Variants in TMEM131L observed in about 807,000 individuals in gnomAD.
The protein encoded by TMEM131L is transmembrane protein 131-like.
Under a neutral mutation model 192.2 loss-of-function variants are expected in TMEM131L, and 54 were observed. The observed-to-expected ratio is 0.28, with a 90% CI of 0.23 to 0.35. The LOEUF is 0.35. TMEM131L is among the 10% of genes least tolerant of loss of function. The pLI is 1.00. For synonymous variants in TMEM131L, 701 were observed against 704.9 expected, an observed-to-expected ratio of 0.99 and a Z score of 0.09; for missense variants, 1,888 against 1,972.9, an observed-to-expected ratio of 0.96 and a Z score of 0.82.
chr4:153,499,010 C>T (rs992989276), intron 3 of TMEM131L, among the ~76,000 whole-genome samples: 4 of 152,194 alleles, frequency 2.6e-5, no homozygotes, highest in African/African-American at 7.2e-5. Context: ...TTAGTATTAA[C>T]GTTTGTTTTT....
intron 3 of TMEM131L, among the ~76,000 whole-genome samples, chr4:153,522,164 A>G (rs1215108657): frequency 6.6e-6 from 1 of 152,154 alleles, no homozygotes; most frequent in East Asian, 1.9e-4. Context: ...GCTGTGGTGA[A>G]GGAGCCGGAG....
At chr4:153,604,647 G>C (rs1003353041) in intron 25 of TMEM131L, among the ~76,000 whole-genome samples, 3 of 152,182 alleles carry the variant, frequency 2.0e-5, no homozygotes, top group African/African-American at 7.2e-5. Flanking sequence ...CATAAGTTTA[G>C]AAGACTATGA....
intron 16 of TMEM131L, among the ~76,000 whole-genome samples, chr4:153,589,420 G>T (rs773737512): frequency 6.6e-5 from 10 of 152,114 alleles, no homozygotes; most frequent in Non-Finnish European, 1.2e-4. Flanking sequence ...GACTGAGATG[G>T]CTACTAAGTG....
In TMEM131L at chr4:153,577,379, G is replaced by A. The variant is rs11099887; in HGVS notation, c.661-3447G>A. Among the ~76,000 whole-genome samples, 605 of 152,274 alleles carry A rather than the reference G, an allele frequency of 4.0e-3. 2 individuals are homozygous for A. The highest frequency in any genetic ancestry group is 0.014 in the African/African-American group (570 of 41,544). ...GCAGTGTGGAGAATGGAGTGGAAAG[G>A]GCAGAGGTGGATGCAGGGAGACTAA... is the stretch of plus-strand genomic sequence containing the variant. On this transcript the variant is annotated intron_variant, in intron 7 of 34. Transcript: ENST00000409959.
rs1047490613 is a variant in TMEM131L, at chr4:153,572,940, A to G, written c.661-7886A>G. 9.9e-5 allele frequency among the ~76,000 whole-genome samples: 15 copies of G among 152,228 alleles called. 1 individual carries two copies. The highest frequency in any genetic ancestry group is 2.1e-4 in the Non-Finnish European group (14 of 68,040). ...AATTGGACTATTCTAGGTCCCTCAT[A>G]GAAGTGGGATTATACAGTATTTGTC... is the stretch of plus-strand genomic sequence containing the variant. On this transcript the variant is annotated intron_variant, in intron 7 of 34. Transcript: ENST00000409959.
rs753972613 is a variant in TMEM131L at position 153,596,297 on chromosome 4, T to C, written c.2035T>C (p.Leu679=). 1.9e-6 allele frequency: 3 copies of C among 1,613,880 alleles called. No homozygotes were observed. In the African/African-American group the frequency reaches 4.0e-5, roughly 22 times the overall value. The change falls in exon 20 of 35, where the codon TTA becomes CTA. Residue 679 remains leucine (L), a synonymous_variant. Transcript: ENST00000409959. The part of the protein sequence containing the change: ...SEESRFGILH[L]HLQPLEMKRV... ...GGAATCCAGGTTTGGCATCCTCCAC[T>C]TACATCTGCAGCCTTTGGAAATGAA...
chr4:153,625,345 C>T lies in TMEM131L; in HGVS notation c.4046-802C>T, dbSNP rs1384178385. 2.6e-5 allele frequency among the ~76,000 whole-genome samples: 4 copies of T among 151,716 alleles called. No homozygotes were observed. In the East Asian group the frequency reaches 5.9e-4, roughly 22 times the overall value. On this transcript the variant is annotated intron_variant, in intron 29 of 34. Transcript: ENST00000409959. ...GGCGGAGGTTGCAGTGAGCCGAGAT[C>T]GCCACTGCACTCCAGCCTGGGTGAC...
chr4:153,522,348 CAGATAATAGG>C (rs1735179359), intron 3 of TMEM131L, among the ~76,000 whole-genome samples: 1 of 152,064 alleles, frequency 6.6e-6, no homozygotes, highest in Admixed American at 6.5e-5. Flanking sequence ...CCATTGTGTG[CAGATAATAGG>C]AGACTTAAAT....
At chr4:153,519,365 A>G (rs1271090131) in intron 3 of TMEM131L, among the ~76,000 whole-genome samples, 1 of 152,226 alleles carries the variant, frequency 6.6e-6, no homozygotes, top group Non-Finnish European at 1.5e-5. Flanking sequence ...TGAAGACTTT[A>G]TACCCAAATC....
rs373560748 is a variant in TMEM131L, at chr4:153,581,524, A to C, written c.856A>C (p.Ile286Leu). Residue 286 changes from isoleucine to leucine, a missense_variant, in exon 9 of 35, where the codon ATT becomes CTT. By Grantham distance (5) the Ile-to-Leu change is conservative (BLOSUM62 2). Transcript: ENST00000409959. ...ACAACATTTGTTAGATCATCTCTCT[A>C]TTGTTTACGTAGCTACAGATGAATC... ...NTQHLLDHLS[I>L]VYVATDESET... 1 of 1,593,950 alleles carries C rather than the reference A, an allele frequency of 6.3e-7. No individual in the cohort carries two copies. The highest frequency in any genetic ancestry group is 2.3e-5 in the East Asian group (1 of 44,252).
At chr4:153,466,949 A>G (rs887051290) in intron 1 of TMEM131L, among the ~76,000 whole-genome samples, 10 of 151,102 alleles carry the variant, frequency 6.6e-5, no homozygotes, top group African/African-American at 2.4e-4. Context: ...GGGTGTCTTC[A>G]CTCCCACTTC....
chr4:153,497,599 A>G (rs182302514), intron 3 of TMEM131L, among the ~76,000 whole-genome samples: 5 of 152,266 alleles, frequency 3.3e-5, no homozygotes, highest in Admixed American at 3.3e-4. Context: ...AGAGACATAT[A>G]TTTGTAGTCT....
intron 3 of TMEM131L, among the ~76,000 whole-genome samples, chr4:153,490,471 C>A (rs1732688872): frequency 6.6e-6 from 1 of 152,120 alleles, no homozygotes; most frequent in Non-Finnish European, 1.5e-5. Context: ...AAATTCAGGC[C>A]TTATTTTAAT....
Position 153,596,326 on chromosome 4 carries a change from G to T in TMEM131L, c.2064G>T (p.Arg688Ser), listed in dbSNP as rs748822365. Residue 688 changes from arginine to serine, a missense_variant, in exon 20 of 35, where the codon AGG (arginine) becomes AGT (serine). By Grantham distance (110) the Arg-to-Ser change is moderately radical. Coordinates refer to ENST00000409959, the MANE Select transcript of TMEM131L (RefSeq NM_001131007.2). ...HLHLQPLEMK[R>S]VGVVFTPADY... Reference sequence around the variant, plus strand: ...ATCTGCAGCCTTTGGAAATGAAAAGGGTTGGCGTAGTTTTCACACCTGCTG... The same window carrying T: ...ATCTGCAGCCTTTGGAAATGAAAAGTGTTGGCGTAGTTTTCACACCTGCTG... The T allele has an allele frequency of 2.2e-5, 35 of 1,613,844 alleles. No individual in the cohort carries two copies. The highest frequency in any genetic ancestry group is 2.9e-5 in the Non-Finnish European group (34 of 1,179,898).
rs749066518 is a variant in TMEM131L, at chr4:153,602,532, T to G, written c.2454-10T>G. 6.2e-7 allele frequency: 1 copy of G among 1,613,156 alleles called. No individual in the cohort carries two copies. Among genetic ancestry groups the G allele is most frequent in the Non-Finnish European group, 8.5e-7 (1 of 1,179,520 alleles). On this transcript the variant is annotated splice_polypyrimidine_tract_variant and intron_variant, in intron 22 of 34. Coordinates refer to ENST00000409959, the MANE Select transcript of TMEM131L (RefSeq NM_001131007.2). Reference sequence around the variant, plus strand: ...TTAAAAGTTCATAAAGATGACTCTTTTATTTTCAGGTTCACTCCAGACTTT... The same window carrying G: ...TTAAAAGTTCATAAAGATGACTCTTGTATTTTCAGGTTCACTCCAGACTTT...
intron 3 of TMEM131L, among the ~76,000 whole-genome samples, chr4:153,515,503 C>T (rs1434914579): frequency 6.6e-6 from 1 of 152,060 alleles, no homozygotes; most frequent in Non-Finnish European, 1.5e-5. Flanking sequence ...GGATTGTTTC[C>T]AATTATTGGC....
intron 3 of TMEM131L, among the ~76,000 whole-genome samples, chr4:153,528,516 AGT>A (rs1735661811): frequency 6.6e-6 from 1 of 152,238 alleles, no homozygotes; most frequent in Non-Finnish European, 1.5e-5. Context: ...GGTAAGAAAA[AGT>A]GTAAGTTCAA....
At chr4:153,497,802 T>C (rs3816085) in intron 3 of TMEM131L, among the ~76,000 whole-genome samples, 32,612 of 150,988 alleles carry the variant, frequency 0.22, 6,294 homozygotes, top group African/African-American at 0.5. Flanking sequence ...TTCTACTCTA[T>C]TATTTCATCT....
At chr4:153,551,427 G>A (rs1475976054) in intron 4 of TMEM131L, among the ~76,000 whole-genome samples, 3 of 151,610 alleles carry the variant, frequency 2.0e-5, no homozygotes, top group South Asian at 2.1e-4. Context: ...GCACAGTGTC[G>A]GCTCACTGCA....
Sources: allele counts gnomAD v4.1 joint callset (sites outside exome capture counted in the v4.1 genomes callset), GRCh38; gene constraint gnomAD v4.1.1; transcripts MANE v1.5; gene names NCBI Gene and HGNC (gene_info 2026-07-23, HGNC 2026-07-21).